Variants in TFG observed in about 807,000 individuals in gnomAD.
TFG encodes trafficking from ER to golgi regulator.
TFG carries 22 observed loss-of-function variants against 51.4 expected under a neutral mutation model. The ratio of observed to expected loss-of-function variants is 0.43; its 90% CI spans 0.31 to 0.61. The LOEUF (loss-of-function observed/expected upper bound fraction) is 0.61. TFG is among the 20% of genes least tolerant of loss of function. The pLI is 0.12. For synonymous variants in TFG, 187 were observed against 165.6 expected (o/e 1.13, Z -0.99); for missense variants, 419 against 487.7 (o/e 0.86, Z 1.33).
chr3:100,714,014 C>A, intron 2 of TFG, 145 bp downstream of exon 2: 1 of 448,998 alleles, frequency 2.2e-6, no homozygotes, highest in Non-Finnish European at 3.8e-6. Context: ...AATCCTGCCT[C>A]GGCCTCCCAA....
chr3:100,710,708 G>A (rs1372045911), intron 1 of TFG, among the ~76,000 whole-genome samples: 1 of 152,180 alleles, frequency 6.6e-6, no homozygotes, highest in African/African-American at 2.4e-5. Flanking sequence ...AGTGTACCTG[G>A]TAGAGGGTTA....
chr3:100,734,212 G>C (rs1391427963), intron 5 of TFG, among the ~76,000 whole-genome samples: 1 of 151,838 alleles, frequency 6.6e-6, no homozygotes, highest in African/African-American at 2.4e-5. Flanking sequence ...TTTTGGTTTT[G>C]ATAACTTTCA....
chr3:100,746,276 G>T (rs547548283), intron 7 of TFG, among the ~76,000 whole-genome samples: 65 of 152,188 alleles, frequency 4.3e-4, no homozygotes, highest in African/African-American at 5.8e-4. Context: ...GCTATGTGTG[G>T]GGCCCCATTC....
Position 100,748,398 on chromosome 3 carries a change from A to G in TFG, c.1070A>G (p.Tyr357Cys), listed in dbSNP as rs1375662436. The change falls in exon 8 of 8, where the codon TAT (tyrosine) becomes TGT (cysteine). Residue 357 changes from tyrosine to cysteine, a missense_variant. Tyr to Cys is a radical substitution (Grantham distance 194). This residue lies in a region of TFG where 391 missense variants were observed against 434.4 expected (regional missense o/e 0.90). Coordinates refer to ENST00000240851, the MANE Select transcript of TFG (RefSeq NM_006070.6). The part of the protein sequence containing the change: ...PGMAPSQPGA[Y>C]QPRPGFTSLP... ...ATGGCTCCAAGCCAACCTGGGGCCT[A>G]TCAACCAAGACCAGGTTTTACTTCA... 13 of 1,614,018 alleles carry G rather than the reference A, an allele frequency of 8.1e-6. No homozygotes were observed. The East Asian group carries it at 8.9e-5, about 11-fold the overall frequency.
rs748670012 is a variant in TFG, at chr3:100,719,977, G to A, written c.187G>A (p.Gly63Arg). Residue 63 changes from glycine (G) to arginine (R), a missense_variant and splice_region_variant, in exon 3 of 8, where the codon GGA (glycine) becomes AGA (arginine). By Grantham distance (125) the Gly-to-Arg change is moderately radical (BLOSUM62 -2). This residue lies in a region of TFG where 391 missense variants were observed against 434.4 expected (regional missense o/e 0.90). Transcript: ENST00000240851. Reference sequence around the variant, plus strand: ...CCTTTTTTTTTTTTAAATTCCAGATGGAGATCTTATAACAATTTTTGATAG... The same window carrying A: ...CCTTTTTTTTTTTTAAATTCCAGATAGAGATCTTATAACAATTTTTGATAG... ...EVTIKYKDED[G>R]DLITIFDSSD... The A allele has an allele frequency of 1.3e-6, 2 of 1,533,406 alleles. No individual in the cohort carries two copies. Among genetic ancestry groups the A allele is most frequent in the Non-Finnish European group, 8.8e-7 (1 of 1,136,610 alleles). 95.0% of individuals were successfully genotyped at this position (1,533,406 alleles called of 1,614,324 possible).
intron 4 of TFG, 42 bp downstream of exon 4, chr3:100,728,900 G>A (rs2095083554): frequency 7.3e-6 from 11 of 1,497,908 alleles, no homozygotes; most frequent in African/African-American, 2.9e-5. Context: ...TTGTTCTTAC[G>A]TCTTTTTGGA....
At chr3:100,716,678 T>A (rs1449271658) in intron 2 of TFG, among the ~76,000 whole-genome samples, 1 of 152,232 alleles carries the variant, frequency 6.6e-6, no homozygotes, top group East Asian at 1.9e-4. Context: ...AGTTCCCTTT[T>A]CTCTTCATTC....
chr3:100,718,260 T>A (rs1459792345), intron 2 of TFG, among the ~76,000 whole-genome samples: 1 of 151,820 alleles, frequency 6.6e-6, no homozygotes, highest in African/African-American at 2.4e-5. Context: ...GAAGATGCTT[T>A]GCCTTTATCT....
At chr3:100,709,750 G>C (rs1176811552) in intron 1 of TFG, 29 bp downstream of exon 1, 3 of 151,510 alleles carry the variant, frequency 2.0e-5, no homozygotes, top group Non-Finnish European at 2.9e-5. Context: ...GGGGTTGCGG[G>C]CGCTCTGTCC....
At chr3:100,727,203 AACACT>A (rs2095078408) in intron 3 of TFG, among the ~76,000 whole-genome samples, 1 of 152,216 alleles carries the variant, frequency 6.6e-6, no homozygotes, top group Non-Finnish European at 1.5e-5. Flanking sequence ...AGCTTCCAGC[AACACT>A]AAGGCCTGTC....
chr3:100,738,243 A>T (rs984089172), intron 6 of TFG, among the ~76,000 whole-genome samples: 36 of 152,238 alleles, frequency 2.4e-4, no homozygotes, highest in Admixed American at 9.8e-4. Context: ...CTGCACCAAA[A>T]TGCTACTGCC....
chr3:100,718,993 A>G (rs1378939801), intron 2 of TFG, among the ~76,000 whole-genome samples: 1 of 152,190 alleles, frequency 6.6e-6, no homozygotes, highest in Non-Finnish European at 1.5e-5. Context: ...AAGAACAGGA[A>G]GTTTTCTTCT....
chr3:100,719,986 A>T lies in TFG; in HGVS notation c.196A>T (p.Ile66Leu). The change falls in exon 3 of 8, where the codon ATA becomes TTA. Residue 66 changes from isoleucine (I) to leucine (L), a missense_variant. Coordinates refer to ENST00000240851, the MANE Select transcript of TFG (RefSeq NM_006070.6). ...TTTTTAAATTCCAGATGGAGATCTT[A>T]TAACAATTTTTGATAGTTCTGACCT... Reference protein sequence around the residue: ...IKYKDEDGDLITIFDSSDLSF... With the variant: ...IKYKDEDGDLLTIFDSSDLSF... The T allele has an allele frequency of 6.4e-7, 1 of 1,554,606 alleles. No homozygotes were observed.
Position 100,748,199 on chromosome 3 carries a change from T to A in TFG, c.871T>A (p.Tyr291Asn). The change falls in exon 8 of 8, where the codon TAT (tyrosine) becomes AAT (asparagine). Residue 291 changes from tyrosine to asparagine, a missense_variant. Physicochemically the swap from Tyr to Asn is moderately radical, Grantham distance 143 (BLOSUM62 -2). Coordinates refer to ENST00000240851, the MANE Select transcript of TFG (RefSeq NM_006070.6). Reference protein sequence around the residue: ...GPQQPQQFQGYGQQPTSQAPA... With the variant: ...GPQQPQQFQGNGQQPTSQAPA... The stretch of plus-strand genomic sequence containing the variant: ...TCAACAACCTCAGCAGTTCCAGGGA[T>A]ATGGCCAGCAACCAACTTCCCAGGC... 1 of 1,614,128 alleles carries A rather than the reference T, an allele frequency of 6.2e-7. No homozygotes were observed. The highest frequency in any genetic ancestry group is 8.5e-7 in the Non-Finnish European group (1 of 1,179,984).
In TFG at chr3:100,736,592, T is replaced by A. The variant is rs2095107037; in HGVS notation, c.597T>A (p.Pro199=). The A allele has an allele frequency of 6.2e-7, 1 of 1,613,968 alleles. No individual in the cohort carries two copies. Among genetic ancestry groups the A allele is most frequent in the Non-Finnish European group, 8.5e-7 (1 of 1,179,946 alleles). ...ACTATCCAGGGCCACCCAGTGCTCC[T>A]GCAGAAGATCGTTCAGGAACACCCG... ...DDQVSGPPSA[P]AEDRSGTPDS... Residue 199 remains proline, a synonymous_variant, in exon 6 of 8, where the codon CCT becomes CCA. Coordinates refer to ENST00000240851, the MANE Select transcript of TFG (RefSeq NM_006070.6).
chr3:100,745,832 A>G (rs915165351), intron 7 of TFG, among the ~76,000 whole-genome samples: 2 of 152,180 alleles, frequency 1.3e-5, no homozygotes, highest in African/African-American at 4.8e-5. Flanking sequence ...ACACACTTCT[A>G]CTTTTATATT....
intron 6 of TFG, among the ~76,000 whole-genome samples, chr3:100,741,759 T>G (rs4928086): frequency 0.26 from 38,783 of 151,986 alleles, 5,518 homozygotes; most frequent in East Asian, 0.51. Flanking sequence ...TTTTTTATCT[T>G]TTTTGCCATA....
intron 4 of TFG, among the ~76,000 whole-genome samples, chr3:100,732,020 A>G (rs191727673): frequency 4.9e-4 from 75 of 152,278 alleles, no homozygotes; most frequent in Non-Finnish European, 4.0e-4. Context: ...CTTGATTTCC[A>G]TGTAATTTAA....
intron 6 of TFG, 86 bp from the exon 7 acceptor site, chr3:100,744,747 G>A (rs950725404): frequency 1.3e-6 from 1 of 771,872 alleles, no homozygotes; most frequent in Non-Finnish European, 2.2e-6. Context: ...TGGATGGAGA[G>A]GGAATGTATA....
Sources: allele counts gnomAD v4.1 joint callset (sites outside exome capture counted in the v4.1 genomes callset), GRCh38; gene constraint gnomAD v4.1.1; regional missense constraint gnomAD v4.1.1; transcripts MANE v1.5; gene names NCBI Gene and HGNC (gene_info 2026-07-23, HGNC 2026-07-21).